PDE4B: variants seen among roughly 807,000 people sequenced by gnomAD.
The protein encoded by PDE4B is 3',5'-cyclic-AMP phosphodiesterase 4B.
A neutral mutation model predicts 82.2 loss-of-function variants in PDE4B; 20 were observed. The ratio of observed to expected loss-of-function variants is 0.24; its 90% CI spans 0.17 to 0.35. The LOEUF is 0.35. Among genes scored for constraint, PDE4B ranks in the 10% least tolerant of loss-of-function variants. The pLI is 1.00. For synonymous variants in PDE4B, 320 were observed against 318.9 expected, an observed-to-expected ratio of 1.00 and a Z score of -0.04; for missense variants, 655 against 907.2, an observed-to-expected ratio of 0.72 and a Z score of 3.57.
At chr1:66,121,585 A>G (rs932065454) in intron 3 of PDE4B, among the ~76,000 whole-genome samples, 4 of 152,192 alleles carry the variant, frequency 2.6e-5, no homozygotes, top group Non-Finnish European at 5.9e-5. Flanking sequence ...TTGTTCCAAA[A>G]GGAAAATGGC....
chr1:65,831,259 T>G (rs918314446), intron 1 of PDE4B, among the ~76,000 whole-genome samples: 5 of 152,130 alleles, frequency 3.3e-5, no homozygotes, highest in South Asian at 2.1e-4. Flanking sequence ...AAAAGCTGAC[T>G]CTTTTAAAGG....
intron 3 of PDE4B, among the ~76,000 whole-genome samples, chr1:66,238,872 C>A (rs1053531518): frequency 6.6e-6 from 1 of 152,148 alleles, no homozygotes; most frequent in Non-Finnish European, 1.5e-5. Flanking sequence ...GTTACTATGG[C>A]CCCATCACTG....
At chr1:66,093,105 T>C (rs769649996) in intron 3 of PDE4B, among the ~76,000 whole-genome samples, 67 of 152,124 alleles carry the variant, frequency 4.4e-4, no homozygotes, top group Non-Finnish European at 8.1e-4. Flanking sequence ...ACAGGGTTTG[T>C]GGCATGAATA....
intron 7 of PDE4B, among the ~76,000 whole-genome samples, chr1:66,302,650 C>T (rs980415583): frequency 4.6e-5 from 7 of 152,034 alleles, no homozygotes; most frequent in Admixed American, 3.3e-4. Flanking sequence ...ATTGATGTTC[C>T]GAAAGATAAA....
chr1:65,822,001 T>C (rs1421241238), intron 1 of PDE4B, among the ~76,000 whole-genome samples: 1 of 152,232 alleles, frequency 6.6e-6, no homozygotes, highest in African/African-American at 2.4e-5. Flanking sequence ...GTATTGCTGG[T>C]CTAGCATTTC....
intron 3 of PDE4B, among the ~76,000 whole-genome samples, chr1:65,960,934 A>G (rs373738950): frequency 6.6e-6 from 1 of 152,132 alleles, no homozygotes; most frequent in African/African-American, 2.4e-5. Context: ...GTATCAACTT[A>G]GCTCAAATCA....
At chr1:65,849,970 A>G (rs966804691) in intron 1 of PDE4B, among the ~76,000 whole-genome samples, 1 of 152,118 alleles carries the variant, frequency 6.6e-6, no homozygotes, top group Non-Finnish European at 1.5e-5. Flanking sequence ...TCACTGAGTC[A>G]TATGTTATGT....
At chr1:66,078,802 C>T (rs931086214) in intron 3 of PDE4B, among the ~76,000 whole-genome samples, 2 of 151,996 alleles carry the variant, frequency 1.3e-5, no homozygotes, top group South Asian at 2.1e-4. Context: ...ATATGAAAAG[C>T]GCATAATACG....
chr1:65,833,362 A>C (rs1646103661), intron 1 of PDE4B, among the ~76,000 whole-genome samples: 1 of 152,204 alleles, frequency 6.6e-6, no homozygotes, highest in Admixed American at 6.5e-5. Context: ...CCCTCACCAG[A>C]CTTTAAGGCG....
chr1:65,825,702 TTACCTATCTATCTATC>T lies in PDE4B; in HGVS notation c.-71+32457_-71+32472del, dbSNP rs780528221. The stretch of plus-strand genomic sequence containing the variant: ...CTCTAAAAAAAAATTAAAAACAAAA[TTACCTATCTATCTATC>T]TATCTATCTATCTATCTATCTATCT... On this transcript the variant is annotated intron_variant, in intron 1 of 16. Transcript: ENST00000341517. 2.9e-3 allele frequency among the ~76,000 whole-genome samples: 378 copies of T among 130,386 alleles called. 1 individual carries two copies. The highest frequency in any genetic ancestry group is 3.9e-3 in the Admixed American group (51 of 12,926). 85.5% of individuals were successfully genotyped at this position (130,386 alleles called of 152,430 possible). A position where few individuals can be genotyped will look rare whatever the true frequency, so the allele number is the denominator to read the frequency against.
At chr1:66,243,327 T>C (rs1653033092) in intron 3 of PDE4B, among the ~76,000 whole-genome samples, 1 of 152,228 alleles carries the variant, frequency 6.6e-6, no homozygotes, top group South Asian at 2.1e-4. Flanking sequence ...TAGTATATTT[T>C]AGTTGGTTCT....
At chr1:66,014,047 C>A (rs1406438226) in intron 3 of PDE4B, among the ~76,000 whole-genome samples, 1 of 151,108 alleles carries the variant, frequency 6.6e-6, no homozygotes, top group Non-Finnish European at 1.5e-5. Context: ...CCTAATGATT[C>A]GTGATGTTGA....
intron 8 of PDE4B, among the ~76,000 whole-genome samples, chr1:66,345,155 A>C (rs753831695): frequency 6.6e-6 from 1 of 151,684 alleles, no homozygotes; most frequent in Non-Finnish European, 1.5e-5. Context: ...GATTTGTCCA[A>C]GTCCTTTACC....
At chr1:66,314,378 G>A (rs1307156789) in intron 7 of PDE4B, among the ~76,000 whole-genome samples, 2 of 152,012 alleles carry the variant, frequency 1.3e-5, no homozygotes, top group African/African-American at 2.4e-5. Context: ...GTCTCATTTC[G>A]TAATCTGGCT....
At chr1:65,956,913 T>C (rs1649291733) in intron 3 of PDE4B, among the ~76,000 whole-genome samples, 1 of 152,144 alleles carries the variant, frequency 6.6e-6, no homozygotes, top group South Asian at 2.1e-4. Flanking sequence ...GTGTACTCTC[T>C]GATCTTTGAT....
intron 3 of PDE4B, among the ~76,000 whole-genome samples, chr1:66,229,748 T>TA (rs369519986): frequency 0.032 from 4,774 of 149,042 alleles, 100 homozygotes; most frequent in African/African-American, 0.051. Context: ...CTCGTGTGGC[T>TA]AAAAAAAAAA....
intron 7 of PDE4B, among the ~76,000 whole-genome samples, chr1:66,307,756 T>G (rs1658383592): frequency 6.6e-6 from 1 of 152,112 alleles, no homozygotes; most frequent in Non-Finnish European, 1.5e-5. Context: ...TCCAGGAATT[T>G]TCAGGTGGTG....
intron 3 of PDE4B, among the ~76,000 whole-genome samples, chr1:66,097,559 T>C (rs1335472242): frequency 2.0e-5 from 3 of 152,048 alleles, no homozygotes; most frequent in African/African-American, 7.2e-5. Context: ...CAGTGTTTAA[T>C]ATCATGGCAA....
At chr1:65,889,025 G>T (rs988101818) in intron 1 of PDE4B, among the ~76,000 whole-genome samples, 3 of 152,078 alleles carry the variant, frequency 2.0e-5, no homozygotes, top group Admixed American at 2.0e-4. Context: ...AGCTTTTAGA[G>T]AGAAGACTTT....
Sources: allele counts gnomAD v4.1 joint callset (sites outside exome capture counted in the v4.1 genomes callset), GRCh38; gene constraint gnomAD v4.1.1; transcripts MANE v1.5; gene names NCBI Gene and HGNC (gene_info 2026-07-23, HGNC 2026-07-21).